The following DST variants were observed in gnomAD, a reference collection of about 807,000 sequenced individuals.
DST encodes the protein dystonin.
Under a neutral mutation model 875.2 loss-of-function variants are expected in DST, and 253 were observed. The ratio of observed to expected loss-of-function variants is 0.29; its 90% CI spans 0.26 to 0.32. The LOEUF (loss-of-function observed/expected upper bound fraction) is 0.32, where lower values mean the gene tolerates loss of function less well. DST is among the 10% of genes least tolerant of loss of function. DST has a pLI of 1.00. For missense variants in DST, 8,287 were observed against 9,111.6 expected, an observed-to-expected ratio of 0.91 and a Z score of 3.68; for synonymous variants, 3,124 against 3,197.1, an observed-to-expected ratio of 0.98 and a Z score of 0.77.
intron 4 of DST, among the ~76,000 whole-genome samples, chr6:56,833,209 GA>G (rs1562081299): frequency 1.3e-5 from 2 of 152,050 alleles, no homozygotes; most frequent in African/African-American, 4.8e-5. Context: ...TATGTTAACA[GA>G]AAAAAAGCAA....
At chr6:56,515,273 C>T (rs1254329714) in intron 72 of DST, among the ~76,000 whole-genome samples, 177 bp downstream of exon 72, 2 of 151,968 alleles carry the variant, frequency 1.3e-5, no homozygotes, top group African/African-American at 4.8e-5. Flanking sequence ...CCACATGAGT[C>T]TTCTCACTAT....
chr6:56,795,947 G>A (rs1210234603), intron 4 of DST, among the ~76,000 whole-genome samples: 2 of 152,072 alleles, frequency 1.3e-5, no homozygotes. Context: ...TTTCCTCATG[G>A]TACTACTAGA....
At chr6:56,612,109 C>T (rs964745790) in intron 37 of DST, among the ~76,000 whole-genome samples, 10 of 152,214 alleles carry the variant, frequency 6.6e-5, no homozygotes, top group Admixed American at 4.6e-4. Context: ...GTGGCTCATG[C>T]CTGTAATCCC....
chr6:56,793,801 A>T (rs766239865), intron 4 of DST, among the ~76,000 whole-genome samples: 24 of 152,358 alleles, frequency 1.6e-4, no homozygotes, highest in Admixed American at 5.9e-4. Context: ...AAGAAGAAAA[A>T]GATCTTAAAG....
intron 7 of DST, among the ~76,000 whole-genome samples, chr6:56,702,760 C>G (rs2099315305): frequency 6.6e-6 from 1 of 151,832 alleles, no homozygotes; most frequent in African/African-American, 2.4e-5. Context: ...AAATGCTTAG[C>G]AAAAATACAA....
At chr6:56,467,612 G>T (rs1374618082) in intron 98 of DST, 2 of 152,088 alleles carry the variant, frequency 1.3e-5, no homozygotes, top group African/African-American at 4.8e-5. Context: ...TACCCTTAAG[G>T]AACCAGATAA....
At chr6:56,538,610 C>T (rs2097061462) in intron 61 of DST, among the ~76,000 whole-genome samples, 1 of 152,142 alleles carries the variant, frequency 6.6e-6, no homozygotes, top group Admixed American at 6.5e-5. Flanking sequence ...CAGGATACTC[C>T]TGTGTTACTG....
At chr6:56,486,295 A>G (rs1015672786) in intron 87 of DST, among the ~76,000 whole-genome samples, 3 of 144,596 alleles carry the variant, frequency 2.1e-5, no homozygotes, top group Admixed American at 7.0e-5. Context: ...CCCGGGAGGC[A>G]GAGCTCGCAG....
At chr6:56,932,201 A>G (rs1810703608) in intron 2 of DST, among the ~76,000 whole-genome samples, 1 of 152,112 alleles carries the variant, frequency 6.6e-6, no homozygotes, top group Non-Finnish European at 1.5e-5. Context: ...AATAAGCTTC[A>G]GGAGATCTGA....
rs1185724041 is a variant in DST at position 56,605,413 on chromosome 6, T to C, written c.9215A>G (p.His3072Arg). 3.7e-6 allele frequency: 6 copies of C among 1,612,884 alleles called. No individual in the cohort carries two copies. Among genetic ancestry groups the C allele is most frequent in the Non-Finnish European group, 5.1e-6 (6 of 1,179,298 alleles). ...ATTTTTACCAGGCAAAAGTTTGAGA[T>C]GCCTATTTTCTTCTTCTACTAGACC... ...VEGLVEEENRHLKLLPGKNTR... is the reference protein window; with the variant it reads ...VEGLVEEENRRLKLLPGKNTR... Residue 3072 changes from histidine to arginine, a missense_variant, in exon 40 of 104, where the codon CAT (histidine) becomes CGT (arginine). By Grantham distance (29) the His-to-Arg change is conservative. Around this residue, in one of 10 missense-constraint regions of DST, gnomAD observed 3,138 missense variants for 3,116.6 expected, o/e 1.01. Coordinates refer to ENST00000680361, the MANE Select transcript of DST (RefSeq NM_001374736.1).
At chr6:56,689,657 C>G (rs2099214392) in intron 9 of DST, among the ~76,000 whole-genome samples, 1 of 152,154 alleles carries the variant, frequency 6.6e-6, no homozygotes, top group Admixed American at 6.6e-5. Context: ...TATCCAACGT[C>G]CTGACCCTTA....
At chr6:56,678,315 T>C (rs1020039118) in intron 9 of DST, among the ~76,000 whole-genome samples, 1 of 152,244 alleles carries the variant, frequency 6.6e-6, no homozygotes, top group Non-Finnish European at 1.5e-5. Flanking sequence ...ATTTAACTTC[T>C]AAAAGTAGTT....
Position 56,497,373 on chromosome 6 carries a change from G to A in DST, c.20223+6C>T. 1 of 1,611,660 alleles carries A rather than the reference G, an allele frequency of 6.2e-7. No individual in the cohort carries two copies. The highest frequency in any genetic ancestry group is 8.5e-7 in the Non-Finnish European group (1 of 1,178,282). On this transcript the variant is annotated splice_donor_region_variant and intron_variant, in intron 82 of 103. Transcript: ENST00000680361. The stretch of plus-strand genomic sequence containing the variant: ...AGGCTAAAGCTGTAGGAAATACTTT[G>A]CTTACCATATGGACATTAAGCTGCT...
At chr6:56,497,765 T>A in intron 81 of DST, 91 bp downstream of exon 81, 1 of 1,221,008 alleles carries the variant, frequency 8.2e-7, no homozygotes, top group Non-Finnish European at 1.1e-6. Context: ...GGTATAAAAA[T>A]TAAACAGGAG....
intron 5 of DST, among the ~76,000 whole-genome samples, chr6:56,717,224 A>AATAG (rs2099398662): frequency 6.6e-6 from 1 of 151,686 alleles, no homozygotes; most frequent in Non-Finnish European, 1.5e-5. Flanking sequence ...TAAATAAATA[A>AATAG]GCATGCAACC....
chr6:56,862,897 C>G (rs902807296), intron 3 of DST, among the ~76,000 whole-genome samples: 28 of 152,052 alleles, frequency 1.8e-4, no homozygotes, highest in Admixed American at 1.8e-3. Flanking sequence ...AGTGGGGAGA[C>G]AGAGAATAGC....
chr6:56,908,989 G>A (rs1797716779), intron 2 of DST, among the ~76,000 whole-genome samples: 1 of 152,006 alleles, frequency 6.6e-6, no homozygotes, highest in Admixed American at 6.6e-5. Context: ...CCCTGTCTAT[G>A]GAATAGCCAT....
chr6:56,745,739 TATTA>T (rs1336542855), intron 4 of DST, among the ~76,000 whole-genome samples: 3 of 152,220 alleles, frequency 2.0e-5, no homozygotes, highest in Non-Finnish European at 4.4e-5. Flanking sequence ...TAATAACTCC[TATTA>T]ATTAGTAAGA....
At chr6:56,916,641 T>C (rs1801066079) in intron 2 of DST, among the ~76,000 whole-genome samples, 1 of 151,662 alleles carries the variant, frequency 6.6e-6, no homozygotes, top group African/African-American at 2.4e-5. Flanking sequence ...TAGCCCCAGC[T>C]ATCTGGGAGG....
Sources: allele counts gnomAD v4.1 joint callset (sites outside exome capture counted in the v4.1 genomes callset), GRCh38; gene constraint gnomAD v4.1.1; regional missense constraint gnomAD v4.1.1; transcripts MANE v1.5; gene names NCBI Gene and HGNC (gene_info 2026-07-23, HGNC 2026-07-21).